Variants in NR3C1 observed in about 807,000 individuals in gnomAD.
NR3C1 encodes the protein nuclear receptor subfamily 3 group C member 1.
A neutral mutation model predicts 74.0 loss-of-function variants in NR3C1; 14 were observed. The ratio of observed to expected loss-of-function variants is 0.19; its 90% CI spans 0.12 to 0.30. The LOEUF (loss-of-function observed/expected upper bound fraction) is 0.30, where lower values mean the gene tolerates loss of function less well. Ranked by LOEUF, NR3C1 falls within the 10% of genes least tolerant of loss-of-function variation. The probability of loss-of-function intolerance (pLI) is 1.00; values close to 1 mark genes in which losing one functional copy is unlikely to be tolerated. For synonymous variants in NR3C1, 308 were observed against 332.5 expected (o/e 0.93, Z 0.80); for missense variants, 695 against 909.8 (o/e 0.76, Z 3.04).
intron 1 of NR3C1, among the ~76,000 whole-genome samples, chr5:143,431,712 G>A (rs1223646309): frequency 6.6e-6 from 1 of 152,152 alleles, no homozygotes; most frequent in African/African-American, 2.4e-5. Context: ...CAGAGAGTGG[G>A]GGTTATAGGT....
rs755554067 is a variant in NR3C1 at position 143,300,453 on chromosome 5, A to G, written c.1747+32T>C. On this transcript the variant is annotated intron_variant, in intron 5 of 8. Transcript: ENST00000394464. The surrounding 1 kb of genome is among the most constrained non-coding windows in gnomAD (Gnocchi z 5.2). ...TTTGCTGAAGAAAACACAAAGGTTT[A>G]TATAGTTGCTCTTTTATGTTTTGCA... 6.2e-7 allele frequency: 1 copy of G among 1,613,982 alleles called. No individual in the cohort carries two copies. The highest frequency in any genetic ancestry group is 8.5e-7 in the Non-Finnish European group (1 of 1,179,848).
rs10482680 is a variant in NR3C1 at position 143,299,869 on chromosome 5, G to A, written c.1747+616C>T. Reference sequence around the variant, plus strand: ...ATAAAACAAGGATGACAGGAGGTCAGGTTACTTTCTTGCTCTCTCCCTAAC... The same window carrying A: ...ATAAAACAAGGATGACAGGAGGTCAAGTTACTTTCTTGCTCTCTCCCTAAC... On this transcript the variant is annotated intron_variant, in intron 5 of 8. Transcript: ENST00000394464. Among the ~76,000 whole-genome samples the A allele has an allele frequency of 4.5e-4, 69 of 152,306 alleles. No individual in the cohort carries two copies. The South Asian group carries it at 6.2e-3, about 14-fold the overall frequency.
chr5:143,428,594 C>T (rs796147504), intron 1 of NR3C1, among the ~76,000 whole-genome samples: 28 of 152,314 alleles, frequency 1.8e-4, no homozygotes, highest in African/African-American at 6.5e-4. Context: ...TATTGGAACA[C>T]AGCACATCCC....
chr5:143,302,044 G>GAC (rs1164051473), intron 4 of NR3C1, among the ~76,000 whole-genome samples: 11 of 152,010 alleles, frequency 7.2e-5, no homozygotes, highest in Non-Finnish European at 1.5e-4. Flanking sequence ...TATGATATAG[G>GAC]ACTAAAGGGC....
chr5:143,435,377 A>T (rs1376882236), exon 1 of NR3C1: 3 of 985,342 alleles, frequency 3.0e-6, no homozygotes, highest in Non-Finnish European at 3.6e-6. Context: ...AGCGTGTTGC[A>T]ATTTCCCCAG....
chr5:143,400,436 A>G lies in NR3C1; in HGVS notation c.404T>C (p.Val135Ala). ...TGCTGAACTCTTGGGGTTCTCTGGA[A>G]CACTGGTCGACCTATTGAGGTTTGC... is the stretch of plus-strand genomic sequence containing the variant. ...SIANLNRSTS[V>A]PENPKSSAST... Residue 135 changes from valine (V) to alanine (A), a missense_variant, in exon 2 of 9, where the codon GTT becomes GCT. Around this residue, in one of 4 missense-constraint regions of NR3C1, gnomAD observed 497 missense variants for 489.5 expected, o/e 1.02. Transcript: ENST00000394464. The G allele has an allele frequency of 3.7e-6, 6 of 1,614,200 alleles. No homozygotes were observed. The highest frequency in any genetic ancestry group is 3.4e-6 in the Non-Finnish European group (4 of 1,180,034).
At position 143,330,927 on chromosome 5, in the gene NR3C1, C is replaced by A. The variant is rs1372139447; in HGVS notation, c.1185-16759G>T. 5.9e-5 allele frequency among the ~76,000 whole-genome samples: 9 copies of A among 152,186 alleles called. 1 individual carries two copies. The highest frequency in any genetic ancestry group is 1.2e-4 in the Non-Finnish European group (8 of 68,028). On this transcript the variant is annotated intron_variant, in intron 2 of 8. Transcript: ENST00000394464. ...GCTATTGCTCTCAAAATACCAATGA[C>A]ATTCATCACAGAATTAGAAAAAAAC... is the stretch of plus-strand genomic sequence containing the variant.
At chr5:143,332,528 T>C (rs1826195305) in intron 2 of NR3C1, 1 of 654,040 alleles carries the variant, frequency 1.5e-6, no homozygotes, top group South Asian at 2.1e-5. Flanking sequence ...AACCTGCACA[T>C]CCTGCACATG....
intron 2 of NR3C1, among the ~76,000 whole-genome samples, chr5:143,342,663 GC>G (rs1200537950): frequency 6.6e-6 from 1 of 152,184 alleles, no homozygotes; most frequent in East Asian, 1.9e-4. Context: ...GAGCAAGGAA[GC>G]ATCGAAAAAT....
At chr5:143,333,491 C>T (rs1383088392) in intron 2 of NR3C1, among the ~76,000 whole-genome samples, 3 of 151,982 alleles carry the variant, frequency 2.0e-5, no homozygotes, top group African/African-American at 4.8e-5. Context: ...TATTGCTGGC[C>T]GGGCGCGGTG....
chr5:143,408,610 T>C (rs1841194339), upstream of NR3C1, among the ~76,000 whole-genome samples: 1 of 152,052 alleles, frequency 6.6e-6, no homozygotes, highest in African/African-American at 2.4e-5. Flanking sequence ...AAATAGGAAA[T>C]TCATTTTTTG....
intron 2 of NR3C1, among the ~76,000 whole-genome samples, chr5:143,357,768 A>T (rs1012966008): frequency 6.6e-6 from 1 of 152,256 alleles, no homozygotes; most frequent in Non-Finnish European, 1.5e-5. Flanking sequence ...ACTGAAAAAT[A>T]CATATCTTCA....
intron 2 of NR3C1, among the ~76,000 whole-genome samples, chr5:143,325,412 T>G (rs1431934380): frequency 6.6e-6 from 1 of 152,136 alleles, no homozygotes; most frequent in Non-Finnish European, 1.5e-5. Context: ...TCCCCCTGGG[T>G]CCCTCCCACA....
chr5:143,289,701 G>A (rs372898868), intron 7 of NR3C1, among the ~76,000 whole-genome samples: 31 of 152,192 alleles, frequency 2.0e-4, no homozygotes, highest in South Asian at 1.7e-3. Flanking sequence ...ATGGGCAAAA[G>A]ATTAAAAGAG....
chr5:143,288,936 C>T (rs1226286254), intron 7 of NR3C1, among the ~76,000 whole-genome samples: 1 of 151,972 alleles, frequency 6.6e-6, no homozygotes, highest in Non-Finnish European at 1.5e-5. Context: ...GAAACCCCGT[C>T]TCTACTAAAA....
At chr5:143,403,932 C>G (rs1840840541), upstream of NR3C1, 1 of 984,330 alleles carries the variant, frequency 1.0e-6, no homozygotes, top group African/African-American at 1.8e-5. Flanking sequence ...CGCTTCGCCC[C>G]CCGCCCCCAA....
intron 2 of NR3C1, among the ~76,000 whole-genome samples, chr5:143,332,273 G>C (rs1826118940): frequency 6.7e-6 from 1 of 149,734 alleles, no homozygotes; most frequent in African/African-American, 2.5e-5. Flanking sequence ...GAGTTTAGCT[G>C]TACCAGGATT....
intron 2 of NR3C1, among the ~76,000 whole-genome samples, chr5:143,349,558 T>C (rs1324077232): frequency 1.3e-5 from 2 of 152,198 alleles, no homozygotes; most frequent in African/African-American, 2.4e-5. Flanking sequence ...TCAGTTATAG[T>C]GGTTTAAAAC....
intron 2 of NR3C1, among the ~76,000 whole-genome samples, chr5:143,318,292 T>C (rs530045782): frequency 5.6e-4 from 85 of 152,264 alleles, no homozygotes; most frequent in African/African-American, 2.0e-3. Flanking sequence ...TACACCAAAA[T>C]TGGACAATTT....
Sources: allele counts gnomAD v4.1 joint callset (sites outside exome capture counted in the v4.1 genomes callset), GRCh38; gene constraint gnomAD v4.1.1; regional missense constraint gnomAD v4.1.1; non-coding constraint Gnocchi (gnomAD v3.1); transcripts MANE v1.5; gene names NCBI Gene and HGNC (gene_info 2026-07-23, HGNC 2026-07-21).